GULP1: variants seen among roughly 807,000 people sequenced by gnomAD.
The protein encoded by GULP1 is GULP PTB domain containing engulfment adaptor 1, also known as PTB domain-containing engulfment adapter protein 1.
In GULP1, 19 loss-of-function variants were observed where a neutral mutation model predicts 40.9. The observed-to-expected ratio is 0.46, with a 90% CI of 0.32 to 0.68. The LOEUF (loss-of-function observed/expected upper bound fraction) is 0.68. GULP1 is among the 30% of genes least tolerant of loss of function. The pLI is 0.03. For missense variants in GULP1, 312 were observed against 362.2 expected (o/e 0.86, Z 1.12); for synonymous variants, 119 against 117.6 (o/e 1.01, Z -0.08).
At position 188,321,969 on chromosome 2, in the gene GULP1, C is replaced by T. The variant is rs574961698; in HGVS notation, c.-172+29803C>T. On this transcript the variant is annotated intron_variant, in intron 1 of 11. Transcript: ENST00000409830. ...GGCGGAGGTTGCAGTGAGCCAAGAT[C>T]GAGCAAGATTGTGCCATTGCACTCC... Among the ~76,000 whole-genome samples the T allele has an allele frequency of 1.7e-4, 26 of 152,054 alleles. No individual in the cohort carries two copies. In the East Asian group the frequency reaches 3.7e-3, roughly 22 times the overall value.
chr2:188,390,446 CT>C (rs2050363620), intron 2 of GULP1, among the ~76,000 whole-genome samples: 1 of 152,056 alleles, frequency 6.6e-6, no homozygotes, highest in Middle Eastern at 3.4e-3. Flanking sequence ...CATTTGTCCA[CT>C]TTTAGATGGG....
intron 2 of GULP1, among the ~76,000 whole-genome samples, chr2:188,468,407 G>A (rs1261389988): frequency 6.6e-6 from 1 of 151,992 alleles, no homozygotes; most frequent in African/African-American, 2.4e-5. Context: ...AATAAAGTTG[G>A]GAGCTAATAT....
intron 9 of GULP1, among the ~76,000 whole-genome samples, chr2:188,576,694 C>T (rs1363377425): frequency 1.3e-5 from 2 of 152,068 alleles, no homozygotes; most frequent in African/African-American, 4.8e-5. Flanking sequence ...ACCTCTGCAT[C>T]ACACTGAAAT....
At chr2:188,560,301 T>C (rs923964546) in intron 7 of GULP1, among the ~76,000 whole-genome samples, 9 of 152,218 alleles carry the variant, frequency 5.9e-5, no homozygotes, top group African/African-American at 2.2e-4. Context: ...AGGGGCACAA[T>C]GCAGCTAAGT....
chr2:188,514,040 A>AGAGTGTGTGTGT lies in GULP1; in HGVS notation c.91-8715_91-8714insAGTGTGTGTGTG, dbSNP rs1553577815. 4.9e-5 allele frequency among the ~76,000 whole-genome samples: 6 copies of AGAGTGTGTGTGT among 123,076 alleles called. No individual in the cohort carries two copies. The East Asian group carries it at 1.7e-3, about 35-fold the overall frequency. The allele number at this position is 123,076 out of a possible 152,430, so 80.7% of individuals were successfully genotyped here. On this transcript the variant is annotated intron_variant, in intron 4 of 11. Coordinates refer to ENST00000409830, the MANE Select transcript of GULP1 (RefSeq NM_016315.4). ...GATCTGTCTAAATGGTCCCCTTCTG[A>AGAGTGTGTGTGT]GTGTGTGTGTGTGTGTGTGTGTGTG...
chr2:188,419,869 G>A (rs2055131286), intron 2 of GULP1, among the ~76,000 whole-genome samples: 1 of 152,100 alleles, frequency 6.6e-6, no homozygotes, highest in Non-Finnish European at 1.5e-5. Context: ...TTTGAGTTGA[G>A]TTTAGTGTAC....
At chr2:188,312,936 C>G (rs1371366205) in intron 1 of GULP1, among the ~76,000 whole-genome samples, 1 of 151,550 alleles carries the variant, frequency 6.6e-6, no homozygotes, top group Non-Finnish European at 1.5e-5. Flanking sequence ...AGTGTCTGTT[C>G]ATATCCTTTG....
chr2:188,399,714 A>ACAAAAAAAAAAAAAAC (rs1553540231), intron 2 of GULP1, among the ~76,000 whole-genome samples: 1 of 131,078 alleles, frequency 7.6e-6, no homozygotes, highest in Non-Finnish European at 1.6e-5. Flanking sequence ...AAAAAAAAAA[A>ACAAAAAAAAAAAAAAC]CATCAAACTG....
chr2:188,471,912 T>C (rs2060620806), intron 2 of GULP1, among the ~76,000 whole-genome samples: 1 of 152,220 alleles, frequency 6.6e-6, no homozygotes, highest in Non-Finnish European at 1.5e-5. Context: ...CTTTTCTTTC[T>C]GACTAAAGTA....
chr2:188,488,784 A>G (rs1187050945), intron 4 of GULP1, among the ~76,000 whole-genome samples: 1 of 152,010 alleles, frequency 6.6e-6, no homozygotes, highest in Admixed American at 6.6e-5. Context: ...ATACTTTCCT[A>G]TTACCTTGAA....
intron 2 of GULP1, among the ~76,000 whole-genome samples, chr2:188,462,666 A>G (rs988933209): frequency 1.1e-4 from 17 of 152,260 alleles, no homozygotes; most frequent in African/African-American, 3.6e-4. Flanking sequence ...ATTATTATAT[A>G]GTGAACTTCT....
intron 2 of GULP1, among the ~76,000 whole-genome samples, chr2:188,417,889 C>T (rs1158996344): frequency 6.6e-6 from 1 of 152,148 alleles, no homozygotes; most frequent in Non-Finnish European, 1.5e-5. Flanking sequence ...CTCCTGGGCT[C>T]AAGTGATTCT....
intron 1 of GULP1, chr2:188,294,043 C>CT (rs2034390824): frequency 6.6e-6 from 1 of 152,220 alleles, no homozygotes; most frequent in African/African-American, 2.4e-5. Context: ...AAAGTCTGAA[C>CT]TTTCCTTATC....
At chr2:188,298,764 G>A (rs2035531503) in intron 1 of GULP1, among the ~76,000 whole-genome samples, 2 of 152,048 alleles carry the variant, frequency 1.3e-5, no homozygotes, top group African/African-American at 4.8e-5. Flanking sequence ...TGATCAATTT[G>A]GAAAAATAAA....
Position 188,570,066 on chromosome 2 carries a change from TA to T in GULP1, c.558del (p.Val187TyrfsTer8). The stretch of plus-strand genomic sequence containing the variant: ...AAACAGAAAATATGGAACTTAAAAA[TA>T]AAGTACAAGATTTGGAAAACCAACT... Reference protein sequence around the residue: ...LETENMELKNKVQDLENQLRI... With the variant: ...LETENMELKNXVQDLENQLRI... On this transcript the variant is annotated frameshift_variant, in exon 9 of 12. Coordinates refer to ENST00000409830, the MANE Select transcript of GULP1 (RefSeq NM_016315.4). LOFTEE classifies it high-confidence loss of function. 1 of 1,454,872 alleles carries T rather than the reference TA, an allele frequency of 6.9e-7. No homozygotes were observed. Among genetic ancestry groups the T allele is most frequent in the Non-Finnish European group, 9.5e-7 (1 of 1,047,778 alleles). 90.1% of individuals were successfully genotyped at this position (1,454,872 alleles called of 1,614,324 possible). A position where few individuals can be genotyped will look rare whatever the true frequency, so the allele number is the denominator to read the frequency against.
intron 1 of GULP1, among the ~76,000 whole-genome samples, chr2:188,310,232 C>T (rs2037853574): frequency 6.6e-6 from 1 of 152,132 alleles, no homozygotes; most frequent in South Asian, 2.1e-4. Context: ...GAACATGATA[C>T]ACTTTGCACT....
chr2:188,337,597 A>T (rs540051454), intron 1 of GULP1, among the ~76,000 whole-genome samples: 43 of 152,014 alleles, frequency 2.8e-4, no homozygotes, highest in South Asian at 2.3e-3. Flanking sequence ...CTTTGTTACC[A>T]GGGAAAGCCA....
intron 11 of GULP1, chr2:188,590,226 G>C (rs1262169012): frequency 6.6e-6 from 1 of 152,042 alleles, no homozygotes; most frequent in East Asian, 1.9e-4. Flanking sequence ...TACCCACTTA[G>C]ACCTCCCAAA....
intron 7 of GULP1, among the ~76,000 whole-genome samples, chr2:188,565,752 A>G (rs1236545297): frequency 7.9e-5 from 12 of 152,118 alleles, no homozygotes; most frequent in Admixed American, 7.9e-4. Context: ...TTCATGTCTA[A>G]TAACTAAGAA....
Sources: allele counts gnomAD v4.1 joint callset (sites outside exome capture counted in the v4.1 genomes callset), GRCh38; gene constraint gnomAD v4.1.1; transcripts MANE v1.5; gene names NCBI Gene and HGNC (gene_info 2026-07-23, HGNC 2026-07-21).